LRRC4C: variants seen among roughly 807,000 people sequenced by gnomAD.
The protein encoded by LRRC4C is leucine-rich repeat-containing protein 4C.
LRRC4C carries 5 observed loss-of-function variants against 33.6 expected under a neutral mutation model. The observed-to-expected ratio is 0.15, with a 90% CI of 0.08 to 0.31. LRRC4C has a LOEUF of 0.31. Ranked by LOEUF, LRRC4C falls within the 10% of genes least tolerant of loss-of-function variation. The probability of loss-of-function intolerance (pLI) is 1.00; values close to 1 mark genes in which losing one functional copy is unlikely to be tolerated. For missense variants in LRRC4C, 560 were observed against 796.7 expected (o/e 0.70, Z 3.58); for synonymous variants, 329 against 302.0 (o/e 1.09, Z -0.93).
At chr11:41,328,541 T>G (rs1025626288) in intron 1 of LRRC4C, among the ~76,000 whole-genome samples, 1 of 152,174 alleles carries the variant, frequency 6.6e-6, no homozygotes, top group African/African-American at 2.4e-5. Flanking sequence ...CGCTCCTTAC[T>G]GAGTTGCTAA....
intron 1 of LRRC4C, among the ~76,000 whole-genome samples, chr11:41,260,352 C>T (rs868408757): frequency 2.6e-5 from 4 of 151,860 alleles, no homozygotes; most frequent in African/African-American, 4.8e-5. Flanking sequence ...TTTGATACTT[C>T]GCAGAAAACC....
intron 3 of LRRC4C, among the ~76,000 whole-genome samples, chr11:40,611,183 C>T (rs531166603): frequency 1.3e-5 from 2 of 151,742 alleles, no homozygotes; most frequent in African/African-American, 2.4e-5. Flanking sequence ...AGACATATAC[C>T]GATGAAACAG....
At chr11:40,803,794 A>G (rs575371094) in intron 2 of LRRC4C, among the ~76,000 whole-genome samples, 1 of 152,242 alleles carries the variant, frequency 6.6e-6, no homozygotes, top group South Asian at 2.1e-4. Flanking sequence ...TTTTATGAGT[A>G]CATAGTAGGT....
chr11:40,391,715 T>C (rs1321553352), intron 3 of LRRC4C, among the ~76,000 whole-genome samples: 3 of 152,186 alleles, frequency 2.0e-5, no homozygotes, highest in Non-Finnish European at 4.4e-5. Flanking sequence ...TGTTGATAAG[T>C]ATTGTATTCA....
chr11:40,588,712 T>G (rs532485886), intron 3 of LRRC4C, among the ~76,000 whole-genome samples: 99 of 152,326 alleles, frequency 6.5e-4, no homozygotes, highest in African/African-American at 2.2e-3. Context: ...ACATCTTTAT[T>G]TCTGCCTTCA....
In LRRC4C at chr11:40,624,940, C is replaced by A. The variant is rs371740999; in HGVS notation, c.-270+23202G>T. On this transcript the variant is annotated intron_variant, in intron 3 of 6. Transcript: ENST00000528697. ...AGCAAAACCAACAAATTTCTGAGGC[C>A]ATAGTAAGCTCAAAGGAATAAATAA... is the stretch of plus-strand genomic sequence containing the variant. Among the ~76,000 whole-genome samples the A allele has an allele frequency of 1.4e-4, 22 of 151,914 alleles. No homozygotes were observed. In the East Asian group the frequency reaches 2.7e-3, roughly 19 times the overall value.
In LRRC4C at chr11:41,319,354, A is replaced by G. The variant is rs577557004; in HGVS notation, c.-496+140077T>C. On this transcript the variant is annotated intron_variant, in intron 1 of 6. Transcript: ENST00000528697. ...GGAAAATCAATTCATACTTATGATT[A>G]TTAATATCCACATCTGTTACATGGA... Among the ~76,000 whole-genome samples, 4 of 152,340 alleles carry G rather than the reference A, an allele frequency of 2.6e-5. No individual in the cohort carries two copies. The South Asian group carries it at 8.3e-4, about 32-fold the overall frequency.
chr11:40,695,078 C>T (rs916960390), intron 2 of LRRC4C, among the ~76,000 whole-genome samples: 1 of 152,054 alleles, frequency 6.6e-6, no homozygotes, highest in Non-Finnish European at 1.5e-5. Flanking sequence ...ACGTTTTCTC[C>T]CCATTTGAAT....
chr11:40,260,750 G>T (rs1421704329), intron 4 of LRRC4C, among the ~76,000 whole-genome samples: 1 of 152,124 alleles, frequency 6.6e-6, no homozygotes, highest in East Asian at 1.9e-4. Flanking sequence ...AGCAACCTTT[G>T]ACATTTGTTT....
At chr11:40,150,334 A>G (rs2051433561) in intron 5 of LRRC4C, among the ~76,000 whole-genome samples, 1 of 152,218 alleles carries the variant, frequency 6.6e-6, no homozygotes, top group South Asian at 2.1e-4. Context: ...TTTGTGTAAA[A>G]CCATCCAACA....
At chr11:41,209,193 CTAAAA>C (rs1946721042) in intron 1 of LRRC4C, among the ~76,000 whole-genome samples, 1 of 150,290 alleles carries the variant, frequency 6.7e-6, no homozygotes, top group African/African-American at 2.4e-5. Context: ...ATCCCTGAAC[CTAAAA>C]TAAAAGTTAA....
chr11:41,282,362 G>A (rs1420683639), intron 1 of LRRC4C, among the ~76,000 whole-genome samples: 1 of 152,142 alleles, frequency 6.6e-6, no homozygotes, highest in Non-Finnish European at 1.5e-5. Flanking sequence ...TACCACCAAG[G>A]AATCAGAAGC....
chr11:41,425,769 G>T (rs1006554284), intron 1 of LRRC4C, among the ~76,000 whole-genome samples: 1 of 152,054 alleles, frequency 6.6e-6, no homozygotes, highest in Non-Finnish European at 1.5e-5. Flanking sequence ...ATAAATGGGG[G>T]AGCTGAGCTA....
intron 3 of LRRC4C, among the ~76,000 whole-genome samples, chr11:40,502,336 C>G (rs146017149): frequency 6.6e-6 from 1 of 152,128 alleles, no homozygotes; most frequent in Non-Finnish European, 1.5e-5. Context: ...CAGCAGTGCC[C>G]CCACTCTATT....
At chr11:40,896,400 C>T (rs1955940673) in intron 2 of LRRC4C, among the ~76,000 whole-genome samples, 1 of 152,194 alleles carries the variant, frequency 6.6e-6, no homozygotes, top group Non-Finnish European at 1.5e-5. Context: ...GAAAAAATCA[C>T]ATCTTCTCAC....
intron 3 of LRRC4C, among the ~76,000 whole-genome samples, chr11:40,485,804 G>A (rs12270403): frequency 0.038 from 5,835 of 152,044 alleles, 330 homozygotes; most frequent in African/African-American, 0.12. Flanking sequence ...TATACACCAC[G>A]GAATACTGTA....
At chr11:41,367,164 A>G (rs1403906557) in intron 1 of LRRC4C, among the ~76,000 whole-genome samples, 1 of 152,162 alleles carries the variant, frequency 6.6e-6, no homozygotes, top group Non-Finnish European at 1.5e-5. Context: ...CAGAAAAGAC[A>G]TCTCTATATA....
At chr11:40,150,655 G>T (rs1044435479) in intron 5 of LRRC4C, among the ~76,000 whole-genome samples, 1 of 151,876 alleles carries the variant, frequency 6.6e-6, no homozygotes, top group African/African-American at 2.4e-5. Context: ...TCTTGTCCAG[G>T]CTGTTCTCAA....
At chr11:41,388,559 T>C (rs1024397345) in intron 1 of LRRC4C, among the ~76,000 whole-genome samples, 1 of 152,004 alleles carries the variant, frequency 6.6e-6, no homozygotes, top group Non-Finnish European at 1.5e-5. Flanking sequence ...GGAAGATTTA[T>C]GAGTTTGCTA....
Sources: allele counts gnomAD v4.1 joint callset (sites outside exome capture counted in the v4.1 genomes callset), GRCh38; gene constraint gnomAD v4.1.1; transcripts MANE v1.5; gene names NCBI Gene and HGNC (gene_info 2026-07-23, HGNC 2026-07-21).